NANS: variants seen among roughly 807,000 people sequenced by gnomAD.
The protein encoded by NANS is N-acetylneuraminate-9-phosphate synthase.
NANS carries 29 observed loss-of-function variants against 33.3 expected under a neutral mutation model. The ratio of observed to expected loss-of-function variants is 0.87; its 90% confidence interval spans 0.65 to 1.19. The LOEUF is 1.19. Ranked by LOEUF, NANS falls within the 50% of genes most tolerant of loss-of-function variation. The pLI is 0.00. For missense variants in NANS, 394 were observed against 461.1 expected, an observed-to-expected ratio of 0.85 and a Z score of 1.33; for synonymous variants, 163 against 177.2, an observed-to-expected ratio of 0.92 and a Z score of 0.64.
chr9:98,078,438 A>G, intron 4 of NANS, 91 bp downstream of exon 4: 4 of 1,445,412 alleles, frequency 2.8e-6, no homozygotes, highest in South Asian at 1.3e-5. Context: ...CAAACATGGC[A>G]TACTTTATAA....
intron 5 of NANS, among the ~76,000 whole-genome samples, chr9:98,082,488 TTCTG>T (rs1201154116): frequency 1.3e-5 from 2 of 152,212 alleles, no homozygotes; most frequent in African/African-American, 4.8e-5. Context: ...TCCACGTACA[TTCTG>T]TAATATCACC....
chr9:98,063,896 G>A (rs1175008055), intron 2 of NANS, among the ~76,000 whole-genome samples: 1 of 151,734 alleles, frequency 6.6e-6, no homozygotes, highest in East Asian at 1.9e-4. Context: ...CTCTGTTTGG[G>A]GTTGTTTCCT....
chr9:98,061,119 G>GGAGAGGC (rs1828962507), intron 2 of NANS, 122 bp downstream of exon 2: 1 of 927,854 alleles, frequency 1.1e-6, no homozygotes, highest in Admixed American at 2.3e-5. Context: ...CCCAGCTACT[G>GGAGAGGC]GAGAGGCTAG....
intron 2 of NANS, among the ~76,000 whole-genome samples, chr9:98,071,583 A>G (rs930327477): frequency 6.6e-6 from 1 of 152,218 alleles, no homozygotes; most frequent in Non-Finnish European, 1.5e-5. Context: ...AACCTGGGCT[A>G]AGGGCTAGGA....
intron 1 of NANS, among the ~76,000 whole-genome samples, 164 bp from the exon 2 acceptor site, chr9:98,060,618 C>T (rs1587903452): frequency 1.3e-5 from 2 of 151,604 alleles, no homozygotes; most frequent in South Asian, 4.2e-4. Context: ...TGTAGTGAGC[C>T]GAGATCACAC....
Position 98,056,775 on chromosome 9 carries a change from C to G in NANS, c.-34C>G, listed in dbSNP as rs760531732. 2 of 1,603,184 alleles carry G rather than the reference C, an allele frequency of 1.2e-6. No homozygotes were observed. The highest frequency in any genetic ancestry group is 1.1e-5 in the South Asian group (1 of 90,414). On this transcript the variant is annotated 5_prime_UTR_variant, in exon 1 of 6. Coordinates refer to ENST00000210444, the MANE Select transcript of NANS (RefSeq NM_018946.4). Reference sequence around the variant, plus strand: ...GGCGGCGGCGGCGGCCGGACCCAGACTGGTAGTGAGGCTTTGGACCCCGAG... The same window carrying G: ...GGCGGCGGCGGCGGCCGGACCCAGAGTGGTAGTGAGGCTTTGGACCCCGAG...
chr9:98,059,441 G>T (rs1277258997), intron 1 of NANS, among the ~76,000 whole-genome samples: 1 of 152,002 alleles, frequency 6.6e-6, no homozygotes, highest in East Asian at 1.9e-4. Context: ...TTGAGTCAAG[G>T]TCTCACTCTG....
chr9:98,063,710 T>TA (rs113530475), intron 2 of NANS, among the ~76,000 whole-genome samples: 20 of 150,292 alleles, frequency 1.3e-4, no homozygotes, highest in Admixed American at 2.0e-4. Flanking sequence ...CTTGGCTAAT[T>TA]AAAAAAAAAA....
In NANS at chr9:98,080,891, G is replaced by A. The variant is rs969866352; in HGVS notation, c.679G>A (p.Ala227Thr). The A allele has an allele frequency of 8.7e-6, 14 of 1,613,946 alleles. No homozygotes were observed. Among genetic ancestry groups the A allele is most frequent in the African/African-American group, 2.7e-5 (2 of 74,930 alleles). Residue 227 changes from alanine to threonine, a missense_variant, in exon 5 of 6, where the codon GCA (alanine) becomes ACA (threonine). Ala to Thr is a moderately conservative substitution (Grantham distance 58). Transcript: ENST00000210444. Reference protein sequence around the residue: ...HETGIAISVAAVALGAKVLER... With the variant: ...HETGIAISVATVALGAKVLER... ...AACAGGCATAGCGATATCTGTGGCC[G>A]CAGTGGCTCTGGGGGCCAAGGTGTT... is the stretch of plus-strand genomic sequence containing the variant.
chr9:98,076,795 T>A (rs971326611), intron 2 of NANS, 123 bp from the exon 3 acceptor site: 4 of 702,194 alleles, frequency 5.7e-6, no homozygotes, highest in Non-Finnish European at 9.6e-6. Flanking sequence ...GCTTTCAAGT[T>A]GCTGAGCGTC....
intron 2 of NANS, among the ~76,000 whole-genome samples, chr9:98,065,514 T>C (rs1356220760): frequency 7.1e-6 from 1 of 141,358 alleles, no homozygotes. Context: ...TTTTTTTGTA[T>C]TTTTAGTAGA....
intron 4 of NANS, 52 bp downstream of exon 4, chr9:98,078,399 C>T (rs368451097): frequency 9.1e-5 from 142 of 1,566,918 alleles, no homozygotes; most frequent in Non-Finnish European, 1.2e-4. Flanking sequence ...ATGGGGAAGG[C>T]GTAGTCTTTT....
Position 98,077,410 on chromosome 9 carries a change from A to G in NANS, c.448+393A>G, listed in dbSNP as rs560867446. Among the ~76,000 whole-genome samples the G allele has an allele frequency of 4.0e-5, 6 of 149,116 alleles. No individual in the cohort carries two copies. The South Asian group carries it at 1.1e-3, about 26-fold the overall frequency. ...TTTTTAATAGAGACAAGGTCTGTCT[A>G]TGTTGCCCAGGTTGGTCTTGAACTC... is the stretch of plus-strand genomic sequence containing the variant. On this transcript the variant is annotated intron_variant, in intron 3 of 5. Coordinates refer to ENST00000210444, the MANE Select transcript of NANS (RefSeq NM_018946.4).
intron 1 of NANS, among the ~76,000 whole-genome samples, chr9:98,060,386 C>T (rs1286239367): frequency 2.6e-5 from 4 of 152,204 alleles, no homozygotes; most frequent in South Asian, 2.1e-4. Context: ...ATGGTGATGT[C>T]GGCTGGGCGC....
rs1829670899 is a variant in NANS, at chr9:98,078,088, T to C, written c.449-105T>C. 3 of 1,510,430 alleles carry C rather than the reference T, an allele frequency of 2.0e-6. No homozygotes were observed. In the African/African-American group the frequency reaches 4.1e-5, roughly 21 times the overall value. 93.6% of individuals were successfully genotyped at this position (1,510,430 alleles called of 1,614,324 possible). On this transcript the variant is annotated intron_variant, in intron 3 of 5. Transcript: ENST00000210444. ...GGCTGGCACAGTGTTTTAAGAGATG[T>C]CTGTGGAGTTCAGTTGAATGATGAG...
At chr9:98,057,610 A>G (rs531863538) in intron 1 of NANS, among the ~76,000 whole-genome samples, 4 of 152,254 alleles carry the variant, frequency 2.6e-5, no homozygotes, top group African/African-American at 4.8e-5. Context: ...AGATTCTCAG[A>G]TAGAGCTCTG....
Position 98,080,941 on chromosome 9 carries a change from G to C in NANS, c.729G>C (p.Lys243Asn). The change falls in exon 5 of 6, where the codon AAG becomes AAC. Residue 243 changes from lysine to asparagine, a missense_variant. By Grantham distance (94) the Lys-to-Asn change is moderately conservative. Transcript: ENST00000210444. Reference sequence around the variant, plus strand: ...TGGAACGTCACATAACTTTGGACAAGACCTGGAAGGGGAGTGACCACTCGG... The same window carrying C: ...TGGAACGTCACATAACTTTGGACAACACCTGGAAGGGGAGTGACCACTCGG... ...KVLERHITLD[K>N]TWKGSDHSAS... The C allele has an allele frequency of 5.6e-6, 9 of 1,614,212 alleles. No individual in the cohort carries two copies. The highest frequency in any genetic ancestry group is 7.6e-6 in the Non-Finnish European group (9 of 1,180,048).
chr9:98,070,006 A>G (rs1421616869), intron 2 of NANS, among the ~76,000 whole-genome samples: 1 of 152,198 alleles, frequency 6.6e-6, no homozygotes, highest in Non-Finnish European at 1.5e-5. Flanking sequence ...CCATTGGGGG[A>G]AACTGGGGGA....
At chr9:98,065,800 C>T (rs7846772) in intron 2 of NANS, among the ~76,000 whole-genome samples, 1 of 151,782 alleles carries the variant, frequency 6.6e-6, no homozygotes, top group Non-Finnish European at 1.5e-5. Context: ...GTGCTATTCT[C>T]ATGATAGTGA....
Sources: gnomAD v4.1 joint callset for allele counts (sites outside exome capture counted in the v4.1 genomes callset) on GRCh38, gnomAD v4.1.1 for gene constraint, MANE v1.5 for transcripts, NCBI Gene and HGNC (gene_info 2026-07-23, HGNC 2026-07-21) for gene names.